Variants in CCPG1 observed in about 807,000 individuals in gnomAD.
The protein encoded by CCPG1 is cell cycle progression 1, also known as cell cycle progression protein 1.
In CCPG1, 46 loss-of-function variants were observed where a neutral mutation model predicts 81.3. The observed-to-expected ratio is 0.57, with a 90% confidence interval of 0.45 to 0.72. The LOEUF (loss-of-function observed/expected upper bound fraction) is 0.72, where lower values mean the gene tolerates loss of function less well. Ranked by LOEUF, CCPG1 falls within the 30% of genes least tolerant of loss-of-function variation. The pLI is 0.00. For synonymous variants in CCPG1, 330 were observed against 305.2 expected, an observed-to-expected ratio of 1.08 and a Z score of -0.85; for missense variants, 902 against 937.6, an observed-to-expected ratio of 0.96 and a Z score of 0.50.
rs146975558 is a variant in CCPG1 at position 55,356,825 on chromosome 15, A to G, written c.2235-416T>C. ...CAACTTTTTCTTACAGCAAAAGCTC[A>G]CAACACCTACACCGCTTTCCTTAAT... On this transcript the variant is annotated intron_variant, in intron 8 of 8. Coordinates refer to ENST00000442196, the MANE Select transcript of CCPG1 (RefSeq NM_001204450.2). 305 of 990,514 alleles carry G rather than the reference A, an allele frequency of 3.1e-4. 2 individuals are homozygous for G. The African/African-American group carries it at 4.8e-3, about 16-fold the overall frequency. 61.4% of individuals were successfully genotyped at this position (990,514 alleles called of 1,614,324 possible). A position where few individuals can be genotyped will look rare whatever the true frequency, so the allele number is the denominator to read the frequency against.
chr15:55,357,870 T>A (rs1434045297), intron 8 of CCPG1: 1 of 152,096 alleles, frequency 6.6e-6, no homozygotes. Context: ...AAAAAATAAT[T>A]CATAAGTTTT....
chr15:55,366,493 C>T (rs1269528765), intron 6 of CCPG1, among the ~76,000 whole-genome samples: 1 of 151,916 alleles, frequency 6.6e-6, no homozygotes, highest in Non-Finnish European at 1.5e-5. Flanking sequence ...AAGAATTGGA[C>T]AGGCACAGTA....
Position 55,389,392 on chromosome 15 carries a change from A to G in CCPG1, c.33T>C (p.Ser11=). The change falls in exon 2 of 9, where the codon TCT becomes TCC. Residue 11 remains serine (S), a synonymous_variant. Transcript: ENST00000442196. ...CATGACTGATGACAGTCCAACCACA[A>G]GATGAATCACTGTCACTGGAATTTT... MSENSSDSDS[S]CGWTVISHEG... 1 of 1,611,714 alleles carries G rather than the reference A, an allele frequency of 6.2e-7. No individual in the cohort carries two copies. The highest frequency in any genetic ancestry group is 8.5e-7 in the Non-Finnish European group (1 of 1,177,860).
chr15:55,362,254 G>T (rs1273643434), intron 7 of CCPG1, among the ~76,000 whole-genome samples: 4 of 151,088 alleles, frequency 2.6e-5, no homozygotes, highest in African/African-American at 4.9e-5. Context: ...ACTTAAATTT[G>T]GCTTAATTTA....
rs766587738 is a variant in CCPG1, at chr15:55,356,179, A to C, written c.*41T>G. ...AATACCAAACATTATACAAAGCATA[A>C]ATTTTTCTCTTACAGTTGTCTAATT... On this transcript the variant is annotated 3_prime_UTR_variant, in exon 9 of 9. Coordinates refer to ENST00000442196, the MANE Select transcript of CCPG1 (RefSeq NM_001204450.2). 2.1e-6 allele frequency: 3 copies of C among 1,433,486 alleles called. No homozygotes were observed. The highest frequency in any genetic ancestry group is 1.9e-6 in the Non-Finnish European group (2 of 1,074,472). 88.8% of individuals were successfully genotyped at this position (1,433,486 alleles called of 1,614,324 possible).
intron 3 of CCPG1, among the ~76,000 whole-genome samples, chr15:55,384,853 G>A (rs2056768247): frequency 6.6e-6 from 1 of 151,966 alleles, no homozygotes; most frequent in East Asian, 1.9e-4. Flanking sequence ...TAAAATGAGA[G>A]GCATGTCTGT....
chr15:55,406,834 G>C (rs1056155785), intron 1 of CCPG1, among the ~76,000 whole-genome samples: 1 of 152,204 alleles, frequency 6.6e-6, no homozygotes, highest in Non-Finnish European at 1.5e-5. Context: ...CTAAGAAGGA[G>C]TATTTCCCAC....
chr15:55,400,504 T>A (rs892253937), intron 1 of CCPG1, among the ~76,000 whole-genome samples: 6 of 151,704 alleles, frequency 4.0e-5, no homozygotes, highest in Non-Finnish European at 8.8e-5. Context: ...CCAGACTCCA[T>A]CTCAAAAATA....
chr15:55,355,782 G>T lies in CCPG1; in HGVS notation c.*438C>A. On this transcript the variant is annotated 3_prime_UTR_variant, in exon 9 of 9. Coordinates refer to ENST00000442196, the MANE Select transcript of CCPG1 (RefSeq NM_001204450.2). ...GGCTCTTGAACCCACAAAAAGACAA[G>T]AAGTGAGTGTAAGATTATAAAATGT... The T allele has an allele frequency of 4.5e-6, 1 of 224,362 alleles. No individual in the cohort carries two copies. The highest frequency in any genetic ancestry group is 8.6e-6 in the Non-Finnish European group (1 of 116,454). 13.9% of individuals were successfully genotyped at this position (224,362 alleles called of 1,614,324 possible).
intron 1 of CCPG1, among the ~76,000 whole-genome samples, chr15:55,397,587 T>A (rs889811448): frequency 1.3e-5 from 2 of 152,120 alleles, no homozygotes; most frequent in Admixed American, 6.5e-5. Flanking sequence ...GTATTGAATA[T>A]GGGGTATAAA....
chr15:55,361,031 C>T (rs1349884379), intron 7 of CCPG1, 87 bp from the exon 8 acceptor site: 4 of 1,347,422 alleles, frequency 3.0e-6, no homozygotes, highest in Non-Finnish European at 3.9e-6. Context: ...ACCCCATAAG[C>T]TTTTGTGTCT....
At chr15:55,366,790 C>T (rs1025757963) in intron 6 of CCPG1, among the ~76,000 whole-genome samples, 40 of 152,212 alleles carry the variant, frequency 2.6e-4, no homozygotes, top group African/African-American at 7.5e-4. Context: ...GAATCTTAAA[C>T]CAACTAGGAT....
At chr15:55,384,300 T>G in intron 3 of CCPG1, among the ~76,000 whole-genome samples, 1 of 152,152 alleles carries the variant, frequency 6.6e-6, no homozygotes, top group East Asian at 1.9e-4. Flanking sequence ...ATTACAATAG[T>G]AAAATCAAAG....
At chr15:55,366,903 C>G (rs1268890027) in intron 6 of CCPG1, among the ~76,000 whole-genome samples, 2 of 152,108 alleles carry the variant, frequency 1.3e-5, no homozygotes, top group Non-Finnish European at 2.9e-5. Context: ...AAAAATAAGG[C>G]AAAATGCAGT....
In CCPG1 at chr15:55,359,642, T is replaced by C. The variant is rs2056150210; in HGVS notation, c.2131A>G (p.Met711Val). The change falls in exon 8 of 9, where the codon ATG becomes GTG. Residue 711 changes from methionine to valine, a missense_variant. Physicochemically the swap from Met to Val is conservative, Grantham distance 21. Transcript: ENST00000442196. The stretch of plus-strand genomic sequence containing the variant: ...TCATTATCTACTTCATATTCCTTCA[T>C]GTTTCTAAGATAATCTTTAACATCA... ...VNDVKDYLRN[M>V]KEYEVDNDGV... is the part of the protein sequence containing the mutation. 6.2e-7 allele frequency: 1 copy of C among 1,613,388 alleles called. No individual in the cohort carries two copies. Among genetic ancestry groups the C allele is most frequent in the Non-Finnish European group, 8.5e-7 (1 of 1,179,858 alleles).
intron 1 of CCPG1, among the ~76,000 whole-genome samples, chr15:55,390,012 C>A (rs1320964737): frequency 1.3e-5 from 2 of 152,234 alleles, no homozygotes; most frequent in African/African-American, 4.8e-5. Context: ...CAACCTCCGC[C>A]TCCCGGGTTC....
intron 7 of CCPG1, among the ~76,000 whole-genome samples, chr15:55,362,841 A>AATAGCCTGGGCAAC (rs1275399359): frequency 6.6e-6 from 1 of 151,142 alleles, no homozygotes; most frequent in Non-Finnish European, 1.5e-5. Context: ...GAAGTTCCAG[A>AATAGCCTGGGCAAC]ATAGCCTGGG....
In CCPG1 at chr15:55,376,936, A is replaced by C; in HGVS notation, c.454+13T>G. 6.3e-7 allele frequency: 1 copy of C among 1,590,782 alleles called. No individual in the cohort carries two copies. Among genetic ancestry groups the C allele is most frequent in the Non-Finnish European group, 8.6e-7 (1 of 1,161,484 alleles). ...CGTACATGTCTTTAAGTCTCTTATC[A>C]GTGTATTCTTACCAGTTTCTGGCTG... On this transcript the variant is annotated intron_variant, in intron 5 of 8. Coordinates refer to ENST00000442196, the MANE Select transcript of CCPG1 (RefSeq NM_001204450.2).
In CCPG1 at chr15:55,359,812, T is replaced by A; in HGVS notation, c.1961A>T (p.Asp654Val). The change falls in exon 8 of 9, where the codon GAT becomes GTT. Residue 654 changes from aspartate (D) to valine (V), a missense_variant. By Grantham distance (152) the Asp-to-Val change is radical. Transcript: ENST00000442196. The stretch of plus-strand genomic sequence containing the variant: ...CCTTTGAATTATCTGTCTAAATTCA[T>A]CCATCCTTATAGGATTCACCACTGT... ...FNTVVNPIRMDEFRQIIQRYM... is the reference protein window; with the variant it reads ...FNTVVNPIRMVEFRQIIQRYM... 6.2e-7 allele frequency: 1 copy of A among 1,613,304 alleles called. No individual in the cohort carries two copies.
Sources: gnomAD v4.1 joint callset for allele counts (sites outside exome capture counted in the v4.1 genomes callset) on GRCh38, gnomAD v4.1.1 for gene constraint, MANE v1.5 for transcripts, NCBI Gene and HGNC (gene_info 2026-07-23, HGNC 2026-07-21) for gene names.